Variants in NCOA6 observed in about 807,000 individuals in gnomAD.
NCOA6 encodes the protein NRC RAP250.
In NCOA6, 49 loss-of-function variants were observed where a neutral mutation model predicts 171.4. The ratio of observed to expected loss-of-function variants is 0.29; its 90% CI spans 0.23 to 0.36. The LOEUF is 0.36. Ranked by LOEUF, NCOA6 falls within the 10% of genes least tolerant of loss-of-function variation. NCOA6 has a pLI of 1.00. For synonymous variants in NCOA6, 910 were observed against 927.5 expected (o/e 0.98, Z 0.34); for missense variants, 2,248 against 2,554.5 (o/e 0.88, Z 2.59).
intron 11 of NCOA6, 65 bp from the exon 12 acceptor site, chr20:34,736,823 A>G (rs892873951): frequency 7.0e-7 from 1 of 1,425,226 alleles, no homozygotes; most frequent in Admixed American, 2.1e-5. Flanking sequence ...GAAAGCATTA[A>G]CCTAATCAAG....
intron 5 of NCOA6, among the ~76,000 whole-genome samples, chr20:34,762,443 A>AT (rs905793592): frequency 6.6e-6 from 1 of 151,144 alleles, no homozygotes; most frequent in African/African-American, 2.4e-5. Flanking sequence ...GTATATTTTG[A>AT]TTTTTTTGTC....
intron 5 of NCOA6, among the ~76,000 whole-genome samples, chr20:34,763,847 T>C (rs1283140188): frequency 6.6e-6 from 1 of 152,132 alleles, no homozygotes; most frequent in Non-Finnish European, 1.5e-5. Context: ...AATCTATCTT[T>C]CACTGAAAAT....
chr20:34,777,231 C>A (rs2077356025), intron 3 of NCOA6, among the ~76,000 whole-genome samples: 2 of 151,276 alleles, frequency 1.3e-5, no homozygotes, highest in South Asian at 4.2e-4. Flanking sequence ...AAATGCAAAT[C>A]ATAATGATAA....
chr20:34,730,712 CT>C (rs141101262), intron 13 of NCOA6, among the ~76,000 whole-genome samples: 48 of 129,008 alleles, frequency 3.7e-4, no homozygotes, highest in South Asian at 7.6e-4. Context: ...ATGTTCTAGA[CT>C]TTTTTTTTTT....
intron 1 of NCOA6, among the ~76,000 whole-genome samples, chr20:34,808,027 G>A (rs974825854): frequency 2.0e-5 from 3 of 151,688 alleles, no homozygotes; most frequent in Admixed American, 6.6e-5. Context: ...GCAGGCGCCT[G>A]TAGTTCCAGC....
At chr20:34,775,333 T>C (rs913759123) in intron 4 of NCOA6, among the ~76,000 whole-genome samples, 3 of 151,982 alleles carry the variant, frequency 2.0e-5, no homozygotes, top group African/African-American at 7.3e-5. Flanking sequence ...TGTGTGTCTG[T>C]GCGTGCGTGC....
Position 34,749,769 on chromosome 20 carries a change from T to C in NCOA6, c.2426A>G (p.Asn809Ser). 3 of 1,614,238 alleles carry C rather than the reference T, an allele frequency of 1.9e-6. No individual in the cohort carries two copies. Among genetic ancestry groups the C allele is most frequent in the Non-Finnish European group, 2.5e-6 (3 of 1,180,048 alleles). The change falls in exon 9 of 15, where the codon AAT becomes AGT. Residue 809 changes from asparagine to serine, a missense_variant. Asn to Ser is a conservative substitution (Grantham distance 46, BLOSUM62 1). Around this residue, in one of 7 missense-constraint regions of NCOA6, gnomAD observed 987 missense variants for 1,104.7 expected, o/e 0.89. Coordinates refer to ENST00000359003, the MANE Select transcript of NCOA6 (RefSeq NM_014071.5). ...CATCTGAGATAAACTGACATCGTTA[T>C]TTGCTGTAGTAGCAGGATCACCATG... Reference protein sequence around the residue: ...QQHGDPATTANNDVSLSQMMP... With the variant: ...QQHGDPATTASNDVSLSQMMP...
intron 1 of NCOA6, chr20:34,820,164 T>C (rs940963234): frequency 1.3e-4 from 19 of 151,362 alleles, no homozygotes; most frequent in African/African-American, 4.6e-4. Context: ...TGTGGACTGC[T>C]TGAGCTCAGG....
chr20:34,718,559 G>T (rs1391484830), intron 14 of NCOA6, among the ~76,000 whole-genome samples: 3 of 150,814 alleles, frequency 2.0e-5, no homozygotes, highest in Non-Finnish European at 4.4e-5. Context: ...AGGCTGGAGT[G>T]CAGTGGTGCG....
At chr20:34,752,622 G>T (rs2076521907) in intron 8 of NCOA6, among the ~76,000 whole-genome samples, 1 of 152,060 alleles carries the variant, frequency 6.6e-6, no homozygotes, top group Admixed American at 6.6e-5. Flanking sequence ...TAGGATAAAT[G>T]GGGAAACCAA....
chr20:34,746,252 GTT>G (rs111754287), intron 10 of NCOA6, among the ~76,000 whole-genome samples: 33 of 136,482 alleles, frequency 2.4e-4, no homozygotes, highest in Non-Finnish European at 2.4e-4. Context: ...ACATTTCATG[GTT>G]TTTTTTTTTT....
At chr20:34,749,261 CA>C (rs2076396552) in intron 9 of NCOA6, 141 bp downstream of exon 9, 1 of 1,069,304 alleles carries the variant, frequency 9.4e-7, no homozygotes, top group African/African-American at 1.6e-5. Flanking sequence ...GAAGGCAAGA[CA>C]GACTATGAGT....
Position 34,758,907 on chromosome 20 carries a change from TG to T in NCOA6, c.540del (p.Thr181LeufsTer3). ...TTTCCACCCGGGGGTATCATAACAG[TG>T]GCAGGGTTGTTCATCCTTATTATTC... ...GPGIIRMNNP[A>X]TVMIPPGGNV... On this transcript the variant is annotated frameshift_variant, in exon 6 of 15. Transcript: ENST00000359003. LOFTEE classifies it high-confidence loss of function. The T allele has an allele frequency of 6.2e-7, 1 of 1,613,840 alleles. No homozygotes were observed. Among genetic ancestry groups the T allele is most frequent in the Non-Finnish European group, 8.5e-7 (1 of 1,179,930 alleles).
intron 7 of NCOA6, among the ~76,000 whole-genome samples, 162 bp downstream of exon 7, chr20:34,757,058 G>C (rs529855861): frequency 2.4e-4 from 37 of 152,276 alleles, no homozygotes; most frequent in African/African-American, 8.7e-4. Context: ...GCTGCATAAC[G>C]TATCAAGTTA....
In NCOA6 at chr20:34,740,657, T is replaced by C; in HGVS notation, c.5599A>G (p.Thr1867Ala). 1.9e-6 allele frequency: 3 copies of C among 1,614,226 alleles called. No homozygotes were observed. Among genetic ancestry groups the C allele is most frequent in the South Asian group, 1.1e-5 (1 of 91,090 alleles). ...TCCAGCTCTGTGGATAACTGCTCTG[T>C]TCCCATGAGCCCCGGAGCTGTGGTG... is the stretch of plus-strand genomic sequence containing the variant. ...LDTTAPGLMG[T>A]EQLSTELDSK... Residue 1867 changes from threonine (T) to alanine (A), a missense_variant, in exon 11 of 15, where the codon ACA becomes GCA. Transcript: ENST00000359003.
intron 1 of NCOA6, among the ~76,000 whole-genome samples, chr20:34,818,980 T>C (rs2078926087): frequency 6.6e-6 from 1 of 152,228 alleles, no homozygotes; most frequent in South Asian, 2.1e-4. Context: ...CAGTACTTAA[T>C]ACATAGTAGA....
intron 1 of NCOA6, among the ~76,000 whole-genome samples, chr20:34,793,591 C>A (rs2077964666): frequency 6.6e-6 from 1 of 151,642 alleles, no homozygotes. Context: ...CCACTGCAAT[C>A]CAGTCTGGGC....
At chr20:34,747,590 G>A (rs970109431) in intron 9 of NCOA6, among the ~76,000 whole-genome samples, 5 of 152,240 alleles carry the variant, frequency 3.3e-5, no homozygotes, top group Middle Eastern at 3.4e-3. Flanking sequence ...GACTGGTCAC[G>A]GGCCTCATTT....
At chr20:34,789,412 C>CAGGT (rs1312481940) in intron 2 of NCOA6, among the ~76,000 whole-genome samples, 1 of 152,160 alleles carries the variant, frequency 6.6e-6, no homozygotes, top group Non-Finnish European at 1.5e-5. Context: ...ATTGTATTTA[C>CAGGT]AGGTATCTTG....
Sources: gnomAD v4.1 joint callset for allele counts (sites outside exome capture counted in the v4.1 genomes callset) on GRCh38, gnomAD v4.1.1 for gene constraint, gnomAD v4.1.1 regional missense constraint, MANE v1.5 for transcripts, NCBI Gene and HGNC (gene_info 2026-07-23, HGNC 2026-07-21) for gene names.